The following ADK variants were observed in gnomAD, a reference collection of about 807,000 sequenced individuals.
ADK encodes the protein adenosine kinase, also known as N6,N6-dimethyladenosine kinase.
In ADK, 24 loss-of-function variants were observed where a neutral mutation model predicts 44.7. The observed-to-expected ratio is 0.54, with a 90% CI of 0.39 to 0.76. The LOEUF is 0.76. Among genes scored for constraint, ADK ranks in the 30% least tolerant of loss-of-function variants. The pLI is 0.00. For missense variants in ADK, 321 were observed against 425.1 expected (o/e 0.76, Z 2.15); for synonymous variants, 128 against 142.6 (o/e 0.90, Z 0.73).
rs1234364651 is a variant in ADK, at chr10:74,708,446, T to TG, written c.*3dup. 13 of 1,610,440 alleles carry TG rather than the reference T, an allele frequency of 8.1e-6. No individual in the cohort carries two copies. Among genetic ancestry groups the TG allele is most frequent in the Admixed American group, 1.7e-5 (1 of 59,914 alleles). On this transcript the variant is annotated 3_prime_UTR_variant, in exon 11 of 11. Coordinates refer to ENST00000539909, the MANE Select transcript of ADK (RefSeq NM_006721.4). ...TCCTGAGAAGCCAGACTTCCACTGA[T>TG]GGAAGAGCTGAAAACACAAGCCCAG... is the stretch of plus-strand genomic sequence containing the variant.
At chr10:74,404,910 C>T (rs988141115) in intron 6 of ADK, among the ~76,000 whole-genome samples, 3 of 151,996 alleles carry the variant, frequency 2.0e-5, no homozygotes, top group South Asian at 2.1e-4. Context: ...GTTTCTTGTG[C>T]TTGGGTTTTG....
At chr10:74,699,173 C>A (rs1328535976) in intron 10 of ADK, among the ~76,000 whole-genome samples, 2 of 138,740 alleles carry the variant, frequency 1.4e-5, no homozygotes, top group African/African-American at 5.4e-5. Context: ...TTTTTTAATA[C>A]CTGCAAGCCA....
chr10:74,328,380 A>AT (rs1330417031), intron 4 of ADK, among the ~76,000 whole-genome samples: 5 of 100,896 alleles, frequency 5.0e-5, no homozygotes, highest in Non-Finnish European at 1.2e-4. Context: ...CTTCCCACTC[A>AT]TTTTTTCCAC....
At chr10:74,518,473 CT>C (rs1264009110) in intron 6 of ADK, among the ~76,000 whole-genome samples, 1 of 152,124 alleles carries the variant, frequency 6.6e-6, no homozygotes, top group African/African-American at 2.4e-5. Flanking sequence ...GTAATATAGA[CT>C]TACTCCCAGC....
At chr10:74,392,850 G>A (rs188726519) in intron 4 of ADK, among the ~76,000 whole-genome samples, 1 of 152,116 alleles carries the variant, frequency 6.6e-6, no homozygotes, top group East Asian at 1.9e-4. Context: ...ACTTTGTATA[G>A]AAGGAGTGTT....
At chr10:74,197,153 T>C (rs536862320) in intron 1 of ADK, among the ~76,000 whole-genome samples, 14 of 152,308 alleles carry the variant, frequency 9.2e-5, no homozygotes, top group Admixed American at 4.6e-4. Context: ...AAATATATTG[T>C]GCTGATTGGC....
chr10:74,456,910 G>A (rs867302584), intron 6 of ADK, among the ~76,000 whole-genome samples: 22 of 152,066 alleles, frequency 1.4e-4, no homozygotes, highest in African/African-American at 5.3e-4. Context: ...CTAACATCAC[G>A]ATGAAAAGAT....
At chr10:74,274,146 T>G (rs1846560700) in intron 3 of ADK, among the ~76,000 whole-genome samples, 1 of 152,198 alleles carries the variant, frequency 6.6e-6, no homozygotes, top group South Asian at 2.1e-4. Flanking sequence ...TCCCAAAACT[T>G]AACTATTAAT....
chr10:74,201,708 CTATCTATCTATCTATCTATCTATA>C (rs1206929203), intron 2 of ADK, among the ~76,000 whole-genome samples: 31 of 150,376 alleles, frequency 2.1e-4, no homozygotes, highest in African/African-American at 6.9e-4. Context: ...ATCTATCTAT[CTATCTATCTATCTATCTATCTATA>C]TATGGTTCAG....
chr10:74,376,602 TA>T (rs1227276559), intron 4 of ADK, among the ~76,000 whole-genome samples: 1 of 152,150 alleles, frequency 6.6e-6, no homozygotes, highest in Non-Finnish European at 1.5e-5. Context: ...CCCACCATCA[TA>T]TTATTCACAA....
intron 7 of ADK, among the ~76,000 whole-genome samples, chr10:74,569,398 G>T (rs1850841181): frequency 6.6e-6 from 1 of 152,182 alleles, no homozygotes; most frequent in Non-Finnish European, 1.5e-5. Flanking sequence ...CACCAACAGT[G>T]TGAAAGTGTT....
At chr10:74,345,306 CTT>C (rs57927844) in intron 4 of ADK, among the ~76,000 whole-genome samples, 26 of 147,410 alleles carry the variant, frequency 1.8e-4, no homozygotes, top group South Asian at 2.1e-4. Context: ...CATCACGTAT[CTT>C]TTTTTTTTTT....
intron 1 of ADK, among the ~76,000 whole-genome samples, chr10:74,198,432 T>C (rs866223759): frequency 1.3e-5 from 2 of 152,218 alleles, no homozygotes; most frequent in Non-Finnish European, 2.9e-5. Context: ...GAGACTGTAA[T>C]TTTATCTTCT....
intron 7 of ADK, among the ~76,000 whole-genome samples, chr10:74,542,482 T>C (rs1484674161): frequency 6.6e-6 from 1 of 152,234 alleles, no homozygotes; most frequent in Non-Finnish European, 1.5e-5. Context: ...AGGCTTTTAG[T>C]TAAAGTTAGT....
intron 3 of ADK, among the ~76,000 whole-genome samples, chr10:74,231,102 C>G (rs1247323085): frequency 6.6e-6 from 1 of 152,124 alleles, no homozygotes; most frequent in African/African-American, 2.4e-5. Context: ...TTGGAAATCA[C>G]TTCAGACCTA....
At chr10:74,459,727 C>CA (rs986375076) in intron 6 of ADK, among the ~76,000 whole-genome samples, 452 of 42,028 alleles carry the variant, frequency 0.011, 5 homozygotes, top group South Asian at 0.031. Flanking sequence ...GACTCCATCT[C>CA]AAAAAAAAAA....
intron 3 of ADK, among the ~76,000 whole-genome samples, chr10:74,245,936 A>T (rs1298459680): frequency 1.3e-5 from 2 of 151,998 alleles, no homozygotes; most frequent in African/African-American, 4.8e-5. Flanking sequence ...GACTTTTTAT[A>T]GTTGGGTTTA....
chr10:74,575,081 A>G (rs1336520422), intron 7 of ADK, among the ~76,000 whole-genome samples: 1 of 152,234 alleles, frequency 6.6e-6, no homozygotes, highest in Non-Finnish European at 1.5e-5. Flanking sequence ...CTGATCCCCA[A>G]AATTAAGTAT....
At chr10:74,680,596 T>C (rs1313968519) in intron 10 of ADK, among the ~76,000 whole-genome samples, 1 of 152,144 alleles carries the variant, frequency 6.6e-6, no homozygotes, top group Non-Finnish European at 1.5e-5. Context: ...TAAAATCACA[T>C]GTGTGTAGCA....
Sources: allele counts gnomAD v4.1 joint callset (sites outside exome capture counted in the v4.1 genomes callset), GRCh38; gene constraint gnomAD v4.1.1; transcripts MANE v1.5; gene names NCBI Gene and HGNC (gene_info 2026-07-23, HGNC 2026-07-21).